PHLPP2: variants seen among roughly 807,000 people sequenced by gnomAD.
PHLPP2 encodes PH domain leucine-rich repeat-containing protein phosphatase 2.
In PHLPP2, 66 loss-of-function variants were observed where a neutral mutation model predicts 124.9. The observed-to-expected ratio is 0.53, with a 90% CI of 0.43 to 0.65. The LOEUF is 0.65. PHLPP2 is among the 30% of genes least tolerant of loss of function. The pLI is 0.00. For synonymous variants in PHLPP2, 681 were observed against 624.7 expected, an observed-to-expected ratio of 1.09 and a Z score of -1.34; for missense variants, 1,685 against 1,600.4, an observed-to-expected ratio of 1.05 and a Z score of -0.90.
chr16:71,690,423 T>C (rs552432549), intron 4 of PHLPP2, 96 bp downstream of exon 4: 18 of 890,502 alleles, frequency 2.0e-5, no homozygotes, highest in Admixed American at 1.8e-4. Flanking sequence ...ACTGGCTTCT[T>C]TGAAAAGATA....
intron 8 of PHLPP2, 106 bp from the exon 9 acceptor site, chr16:71,676,755 C>CTTT: frequency 4.7e-6 from 3 of 641,966 alleles, no homozygotes; most frequent in Non-Finnish European, 5.0e-6. Flanking sequence ...TCTCTGTTTA[C>CTTT]TTTTTTTTTT....
intron 3 of PHLPP2, among the ~76,000 whole-genome samples, chr16:71,693,561 C>T (rs117595247): frequency 6.6e-6 from 1 of 152,228 alleles, no homozygotes; most frequent in Non-Finnish European, 1.5e-5. Context: ...ACTATCCACA[C>T]TGGCACCAGA....
At chr16:71,691,080 T>G (rs2045106895) in intron 3 of PHLPP2, among the ~76,000 whole-genome samples, 1 of 152,222 alleles carries the variant, frequency 6.6e-6, no homozygotes, top group South Asian at 2.1e-4. Context: ...CTTGAACTAT[T>G]TATTCTCATT....
At position 71,692,047 on chromosome 16, in the gene PHLPP2, T is replaced by C. The variant is rs574972312; in HGVS notation, c.419-1338A>G. Among the ~76,000 whole-genome samples the C allele has an allele frequency of 2.0e-5, 3 of 152,026 alleles. No individual in the cohort carries two copies. The South Asian group carries it at 6.2e-4, about 32-fold the overall frequency. On this transcript the variant is annotated intron_variant, in intron 3 of 18. Coordinates refer to ENST00000568954, the MANE Select transcript of PHLPP2 (RefSeq NM_015020.3). ...ACAGTAACACAGAAGTTGGAAAGAC[T>C]GGGTTGTACTCCTGGTATTATTACA...
Position 71,714,588 on chromosome 16 carries a change from C to T in PHLPP2, c.208G>A (p.Glu70Lys). The T allele has an allele frequency of 6.2e-7, 1 of 1,614,106 alleles. No homozygotes were observed. Among genetic ancestry groups the T allele is most frequent in the Non-Finnish European group, 8.5e-7 (1 of 1,180,020 alleles). ...GCACATATTTCTGATGCTGGTGTCT[C>T]TACAGTGCAAAGGACGAGATGTAAG... The part of the protein sequence containing the change: ...SDLHLVLCTV[E>K]TPASEICAGE... The change falls in exon 2 of 19, where the codon GAG (glutamate) becomes AAG (lysine). Residue 70 changes from glutamate to lysine, a missense_variant. Transcript: ENST00000568954.
chr16:71,691,185 GGCTCC>G (rs1347223599), intron 3 of PHLPP2, among the ~76,000 whole-genome samples: 1 of 152,160 alleles, frequency 6.6e-6, no homozygotes. Context: ...CAGCTGCAGT[GGCTCC>G]CGCCTGCAAT....
intron 18 of PHLPP2, among the ~76,000 whole-genome samples, chr16:71,650,680 CCAGA>C (rs1028229045): frequency 6.6e-6 from 1 of 152,174 alleles, no homozygotes; most frequent in Non-Finnish European, 1.5e-5. Flanking sequence ...TGCTCACAAG[CCAGA>C]CACTTTGTTG....
Position 71,655,759 on chromosome 16 carries a change from G to C in PHLPP2, c.2391-325C>G, listed in dbSNP as rs539156010. Among the ~76,000 whole-genome samples, 20 of 151,870 alleles carry C rather than the reference G, an allele frequency of 1.3e-4. No individual in the cohort carries two copies. The South Asian group carries it at 3.5e-3, about 27-fold the overall frequency. ...CCCACCTTGGCCTCCCAAAGTCCTG[G>C]GATTACAGGTGTGAGCCACCGCGCC... On this transcript the variant is annotated intron_variant, in intron 16 of 18. Transcript: ENST00000568954.
At position 71,719,210 on chromosome 16, in the gene PHLPP2, A is replaced by G. The variant is rs112320016; in HGVS notation, c.-6-4409T>C. Among the ~76,000 whole-genome samples, 535 of 152,336 alleles carry G rather than the reference A, an allele frequency of 3.5e-3. 8 individuals carry two copies. The highest frequency in any genetic ancestry group is 0.012 in the African/African-American group (510 of 41,576). On this transcript the variant is annotated intron_variant, in intron 1 of 18. Coordinates refer to ENST00000568954, the MANE Select transcript of PHLPP2 (RefSeq NM_015020.3). ...ACAATGACAATTACCTCTTACATCA[A>G]ACAAGTATACAAAGAGCGTATTTTA... is the stretch of plus-strand genomic sequence containing the variant.
In PHLPP2 at chr16:71,648,985, C is replaced by T. The variant is rs777138639; in HGVS notation, c.3877G>A (p.Glu1293Lys). Residue 1293 changes from glutamate to lysine, a missense_variant, in exon 19 of 19, where the codon GAA becomes AAA. Physicochemically the swap from Glu to Lys is moderately conservative, Grantham distance 56. Coordinates refer to ENST00000568954, the MANE Select transcript of PHLPP2 (RefSeq NM_015020.3). ...CTGTCCTGGTGCTGTTTCATTTGTT[C>T]CTTCACTTCTTCTTCCAGGTCATGA... ...VPHDLEEEVK[E>K]QMKQHQDSRL... 4 of 1,613,936 alleles carry T rather than the reference C, an allele frequency of 2.5e-6. No individual in the cohort carries two copies. The highest frequency in any genetic ancestry group is 3.3e-5 in the Admixed American group (2 of 59,988).
chr16:71,721,615 T>A (rs113484693), intron 1 of PHLPP2, among the ~76,000 whole-genome samples: 3 of 149,748 alleles, frequency 2.0e-5, no homozygotes, highest in African/African-American at 2.5e-5. Context: ...TCTTTTTAAA[T>A]TTTTTTTGGC....
Position 71,669,277 on chromosome 16 carries a change from C to T in PHLPP2, c.1626G>A (p.Val542=). ...TATATGCATCCAGGCACACATACCT[C>T]ACGGGAACCTCTGTGAGAAGATTAT... ...VSYNLLTEVP[V]RILSSLSLRK... The change falls in exon 11 of 19, where the codon GTG becomes GTA. Residue 542 remains valine (V), a splice_region_variant and synonymous_variant. Transcript: ENST00000568954. 6.2e-7 allele frequency: 1 copy of T among 1,602,476 alleles called. No individual in the cohort carries two copies. The highest frequency in any genetic ancestry group is 8.5e-7 in the Non-Finnish European group (1 of 1,170,908).
chr16:71,715,882 G>C (rs943448852), intron 1 of PHLPP2, among the ~76,000 whole-genome samples: 1 of 149,710 alleles, frequency 6.7e-6, no homozygotes, highest in Non-Finnish European at 1.5e-5. Context: ...TGTAATCCCA[G>C]CTACTTGGGA....
chr16:71,704,806 A>T (rs2045261807), intron 2 of PHLPP2, among the ~76,000 whole-genome samples: 1 of 152,184 alleles, frequency 6.6e-6, no homozygotes, highest in Non-Finnish European at 1.5e-5. Flanking sequence ...TCCCAGCACA[A>T]TGGTGGGATT....
At chr16:71,654,975 C>A (rs1425857716) in intron 17 of PHLPP2, 3 of 413,744 alleles carry the variant, frequency 7.3e-6, no homozygotes, top group Non-Finnish European at 1.3e-5. Context: ...TATATACACA[C>A]ACAACATTTT....
intron 4 of PHLPP2, 98 bp from the exon 5 acceptor site, chr16:71,684,699 AAT>A: frequency 8.4e-7 from 1 of 1,195,482 alleles, no homozygotes. Flanking sequence ...AATTTTTAAA[AAT>A]AGTTATTTTT....
Position 71,678,798 on chromosome 16 carries a change from C to T in PHLPP2, c.1225G>A (p.Gly409Arg). The change falls in exon 8 of 19, where the codon GGG becomes AGG. Residue 409 changes from glycine to arginine, a missense_variant. Gly to Arg is a moderately radical substitution (Grantham distance 125). Coordinates refer to ENST00000568954, the MANE Select transcript of PHLPP2 (RefSeq NM_015020.3). ...ATATGGTTCATCCTATTCAGCACCC[C>T]TAAGTTCAGGACTTCCAGGCAATTT... ...AGNCLEVLNL[G>R]VLNRMNHIKH... is the part of the protein sequence containing the mutation. 1 of 1,611,442 alleles carries T rather than the reference C, an allele frequency of 6.2e-7. No homozygotes were observed. The highest frequency in any genetic ancestry group is 8.5e-7 in the Non-Finnish European group (1 of 1,177,592).
At chr16:71,722,801 C>A (rs979941450) in intron 1 of PHLPP2, among the ~76,000 whole-genome samples, 1 of 152,114 alleles carries the variant, frequency 6.6e-6, no homozygotes, top group Admixed American at 6.5e-5. Context: ...CGTATTTGAC[C>A]TACAGAAAAA....
chr16:71,705,766 T>A (rs1459584866), intron 2 of PHLPP2, among the ~76,000 whole-genome samples: 1 of 152,212 alleles, frequency 6.6e-6, no homozygotes, highest in Non-Finnish European at 1.5e-5. Context: ...CGCCTTGGCC[T>A]CCCAAAGTGC....
Sources: allele counts gnomAD v4.1 joint callset (sites outside exome capture counted in the v4.1 genomes callset), GRCh38; gene constraint gnomAD v4.1.1; transcripts MANE v1.5; gene names NCBI Gene and HGNC (gene_info 2026-07-23, HGNC 2026-07-21).